Variants in IBTK observed in about 807,000 individuals in gnomAD.
The protein encoded by IBTK is BTK-binding protein.
In IBTK, 83 loss-of-function variants were observed where a neutral mutation model predicts 154.9. The observed-to-expected ratio is 0.54, with a 90% CI of 0.45 to 0.64. The LOEUF (loss-of-function observed/expected upper bound fraction) is 0.64. IBTK is among the 30% of genes least tolerant of loss of function. The pLI is 0.00. For missense variants in IBTK, 1,332 were observed against 1,584.6 expected, an observed-to-expected ratio of 0.84 and a Z score of 2.71; for synonymous variants, 515 against 536.1, an observed-to-expected ratio of 0.96 and a Z score of 0.54.
intron 8 of IBTK, among the ~76,000 whole-genome samples, chr6:82,223,206 C>T (rs1363545493): frequency 6.6e-6 from 1 of 152,062 alleles, no homozygotes; most frequent in Non-Finnish European, 1.5e-5. Flanking sequence ...TATTTAACTA[C>T]ATATTAAACA....
At chr6:82,196,710 T>C (rs951244557) in intron 21 of IBTK, among the ~76,000 whole-genome samples, 7 of 152,238 alleles carry the variant, frequency 4.6e-5, no homozygotes, top group East Asian at 1.9e-4. Context: ...CTGAGGAAGA[T>C]AGTTCTTTGG....
At chr6:82,213,756 A>G (rs1461758925) in intron 12 of IBTK, among the ~76,000 whole-genome samples, 2 of 152,082 alleles carry the variant, frequency 1.3e-5, no homozygotes, top group Non-Finnish European at 2.9e-5. Flanking sequence ...CCTATCCATT[A>G]ATGTAATCCA....
chr6:82,228,675 G>A (rs1353120612), intron 4 of IBTK, among the ~76,000 whole-genome samples: 1 of 151,082 alleles, frequency 6.6e-6, no homozygotes, highest in African/African-American at 2.4e-5. Flanking sequence ...AGGCTGGAGT[G>A]CAGTGGCGCC....
rs147756823 is a variant in IBTK, at chr6:82,215,331, T to C, written c.1602-502A>G. On this transcript the variant is annotated intron_variant, in intron 11 of 28. Transcript: ENST00000306270. Reference sequence around the variant, plus strand: ...TCTTAATCTGATACCTCTCTGCTTATGTGACTTAGGAGATTTGCATTGCGA... The same window carrying C: ...TCTTAATCTGATACCTCTCTGCTTACGTGACTTAGGAGATTTGCATTGCGA... 2.7e-3 allele frequency among the ~76,000 whole-genome samples: 408 copies of C among 152,308 alleles called. 2 individuals carry two copies. The highest frequency in any genetic ancestry group is 9.5e-3 in the African/African-American group (395 of 41,562).
chr6:82,197,144 T>G (rs1006789899), intron 21 of IBTK, among the ~76,000 whole-genome samples: 1 of 152,188 alleles, frequency 6.6e-6, no homozygotes, highest in African/African-American at 2.4e-5. Context: ...TCCACACATT[T>G]CAAATTTATT....
intron 12 of IBTK, among the ~76,000 whole-genome samples, chr6:82,213,156 T>C (rs1346493740): frequency 6.6e-6 from 1 of 152,078 alleles, no homozygotes; most frequent in Non-Finnish European, 1.5e-5. Flanking sequence ...GCCAACCCAG[T>C]AACTGGGACT....
At chr6:82,182,968 C>A (rs1411838040) in intron 25 of IBTK, among the ~76,000 whole-genome samples, 1 of 152,102 alleles carries the variant, frequency 6.6e-6, no homozygotes, top group African/African-American at 2.4e-5. Context: ...GTGGAAGATC[C>A]TGAGTCAGAG....
rs376669392 is a variant in IBTK, at chr6:82,199,861, C to A, written c.3025+280G>T. ...TACTAAGCTTGGGAACACATTGCCC[C>A]CTTTGCTTAATATACCTATCTGCCT... On this transcript the variant is annotated intron_variant, in intron 21 of 28. Transcript: ENST00000306270. 1.2e-4 allele frequency among the ~76,000 whole-genome samples: 19 copies of A among 152,228 alleles called. No individual in the cohort carries two copies. In the East Asian group the frequency reaches 3.7e-3, roughly 29 times the overall value.
At chr6:82,190,187 T>C (rs1185072763) in intron 25 of IBTK, among the ~76,000 whole-genome samples, 6 of 152,326 alleles carry the variant, frequency 3.9e-5, no homozygotes, top group South Asian at 2.1e-4. Flanking sequence ...TTTAGTTCCA[T>C]TGGTAACATT....
intron 8 of IBTK, among the ~76,000 whole-genome samples, chr6:82,222,965 C>A (rs1351660593): frequency 1.3e-5 from 2 of 151,214 alleles, no homozygotes; most frequent in Admixed American, 6.6e-5. Flanking sequence ...CCAACTGCTA[C>A]TTTACTGCAT....
In IBTK at chr6:82,214,475, G is replaced by C. The variant is rs1562093680; in HGVS notation, c.1956C>G (p.His652Gln). Reference sequence around the variant, plus strand: ...GATATTCTTCTGGGTTTTTGTTTAAGTGTATTCTTGGTTTGAAGCCATGAG... The same window carrying C: ...GATATTCTTCTGGGTTTTTGTTTAACTGTATTCTTGGTTTGAAGCCATGAG... ...FLTHGFKPRI[H>Q]LNKNPEEYQG... The change falls in exon 12 of 29, where the codon CAC becomes CAG. Residue 652 changes from histidine (H) to glutamine (Q), a missense_variant. By Grantham distance (24) the His-to-Gln change is conservative. This residue lies in a region of IBTK where 1,134 missense variants were observed against 1,274.7 expected (regional missense o/e 0.89). Coordinates refer to ENST00000306270, the MANE Select transcript of IBTK (RefSeq NM_015525.4). 1.9e-6 allele frequency: 3 copies of C among 1,614,046 alleles called. No homozygotes were observed. The highest frequency in any genetic ancestry group is 2.5e-6 in the Non-Finnish European group (3 of 1,179,982).
At chr6:82,175,204 T>C (rs538513998) in intron 26 of IBTK, among the ~76,000 whole-genome samples, 1 of 152,348 alleles carries the variant, frequency 6.6e-6, no homozygotes, top group South Asian at 2.1e-4. Flanking sequence ...AGGGTATTTT[T>C]TTAGTATACG....
In IBTK at chr6:82,214,685, C is replaced by T; in HGVS notation, c.1746G>A (p.Leu582=). ...NRLFPAHKYI[L]AVHSDFFQKL... Reference sequence around the variant, plus strand: ...TCTGAAAAAAATCAGAATGCACTGCCAAAATATATTTATGTGCAGGGAAGA... The same window carrying T: ...TCTGAAAAAAATCAGAATGCACTGCTAAAATATATTTATGTGCAGGGAAGA... Residue 582 remains leucine (L), a synonymous_variant, in exon 12 of 29, where the codon TTG becomes TTA. Coordinates refer to ENST00000306270, the MANE Select transcript of IBTK (RefSeq NM_015525.4). The T allele has an allele frequency of 6.2e-7, 1 of 1,613,974 alleles. No individual in the cohort carries two copies. Among genetic ancestry groups the T allele is most frequent in the Non-Finnish European group, 8.5e-7 (1 of 1,180,002 alleles).
intron 13 of IBTK, among the ~76,000 whole-genome samples, chr6:82,212,461 T>A (rs894970420): frequency 5.3e-5 from 8 of 152,072 alleles, no homozygotes; most frequent in African/African-American, 1.9e-4. Context: ...AAAATAAAAA[T>A]TAAAAGTTCC....
chr6:82,176,468 C>G (rs187479083), intron 26 of IBTK, among the ~76,000 whole-genome samples: 1 of 140,038 alleles, frequency 7.1e-6, no homozygotes, highest in Non-Finnish European at 1.5e-5. Context: ...TTGCAGTGAG[C>G]GGAGATCACG....
rs759801574 is a variant in IBTK at position 82,172,519 on chromosome 6, GAATAAT to G, written c.3798-13_3798-8del. The G allele has an allele frequency of 6.3e-6, 10 of 1,596,644 alleles. No individual in the cohort carries two copies. The highest frequency in any genetic ancestry group is 1.8e-5 in the Admixed American group (1 of 54,846). ...TGAAGAAGATAGCCAGGGACTGAAA[GAATAAT>G]AATAATGAGTTTCATTCATCTTCCT... On this transcript the variant is annotated splice_region_variant and splice_polypyrimidine_tract_variant and intron_variant, in intron 27 of 28. Coordinates refer to ENST00000306270, the MANE Select transcript of IBTK (RefSeq NM_015525.4).
At chr6:82,172,327 A>C (rs1363653964) in intron 28 of IBTK, 53 bp downstream of exon 28, 3 of 1,546,908 alleles carry the variant, frequency 1.9e-6, no homozygotes, top group Non-Finnish European at 2.6e-6. Flanking sequence ...TTAAAACCTA[A>C]GTAGGAAATG....
chr6:82,192,518 G>A (rs190939133), intron 23 of IBTK, among the ~76,000 whole-genome samples: 97 of 152,032 alleles, frequency 6.4e-4, no homozygotes, highest in African/African-American at 2.1e-3. Context: ...AGGCCGAGGC[G>A]GGTGGATCAC....
In IBTK at chr6:82,247,706, TGCAATACAGCCGCTA is replaced by T. The variant is rs1771211463; in HGVS notation, c.-517_-503del. The T allele has an allele frequency of 2.5e-6, 1 of 398,460 alleles. No individual in the cohort carries two copies. Among genetic ancestry groups the T allele is most frequent in the African/African-American group, 2.1e-5 (1 of 48,630 alleles). 24.7% of individuals were successfully genotyped at this position (398,460 alleles called of 1,614,324 possible). ...GACCCGGGTCAGTTCGGCAGGCGGC[TGCAATACAGCCGCTA>T]CTACAGGAATCGGGAACGGGGATGT... On this transcript the variant is annotated 5_prime_UTR_variant, in exon 1 of 29. Transcript: ENST00000306270.
Sources: gnomAD v4.1 joint callset for allele counts (sites outside exome capture counted in the v4.1 genomes callset) on GRCh38, gnomAD v4.1.1 for gene constraint, gnomAD v4.1.1 regional missense constraint, MANE v1.5 for transcripts, NCBI Gene and HGNC (gene_info 2026-07-23, HGNC 2026-07-21) for gene names.